The following KIF13A variants were observed in gnomAD, a reference collection of about 807,000 sequenced individuals.
KIF13A encodes kinesin-like protein KIF13A.
KIF13A carries 79 observed loss-of-function variants against 212.2 expected under a neutral mutation model. That is an observed-to-expected ratio of 0.37 (90% confidence interval 0.31 to 0.45). KIF13A has a LOEUF of 0.45. KIF13A is among the 20% of genes least tolerant of loss of function. The pLI is 1.00. For missense variants in KIF13A, 1,901 were observed against 2,209.0 expected (o/e 0.86, Z 2.79); for synonymous variants, 789 against 808.6 (o/e 0.98, Z 0.41).
Position 17,787,296 on chromosome 6 carries a change from GAGGCCTCTT to G in KIF13A, c.3361+471_3361+479del, listed in dbSNP as rs1561971613. ...TGAAAACTTACTACTTTCAAATTTG[GAGGCCTCTT>G]AAACCAACAATGTATAATATGATTG... On this transcript the variant is annotated intron_variant, in intron 27 of 38. Coordinates refer to ENST00000259711, the MANE Select transcript of KIF13A (RefSeq NM_022113.6). This position sits in a 1 kb window ranked among gnomAD's most constrained non-coding sequence, Gnocchi z 4.6. Among the ~76,000 whole-genome samples, 1 of 152,178 alleles carries G rather than the reference GAGGCCTCTT, an allele frequency of 6.6e-6. No homozygotes were observed. The highest frequency in any genetic ancestry group is 6.5e-5 in the Admixed American group (1 of 15,278).
At position 17,856,299 on chromosome 6, in the gene KIF13A, A is replaced by G. The variant is rs1015566335; in HGVS notation, c.221-177T>C. 6.6e-6 allele frequency among the ~76,000 whole-genome samples: 1 copy of G among 152,208 alleles called. No individual in the cohort carries two copies. The highest frequency in any genetic ancestry group is 1.5e-5 in the Non-Finnish European group (1 of 68,038). ...TATATGCAATTTCATCCACACTTCT[A>G]AACTACAGCTCAGTACCTGGATACA... On this transcript the variant is annotated intron_variant, in intron 4 of 38. Transcript: ENST00000259711. The surrounding 1 kb of genome is among the most constrained non-coding windows in gnomAD (Gnocchi z 4.5).
chr6:17,873,475 T>C (rs1254231090), intron 3 of KIF13A, 38 bp from the exon 4 acceptor site: 5 of 1,377,954 alleles, frequency 3.6e-6, no homozygotes, highest in Non-Finnish European at 5.1e-6. Flanking sequence ...TAAAGATTAA[T>C]TAACTTCTTA....
At position 17,888,512 on chromosome 6, in the gene KIF13A, G is replaced by A. The variant is rs1771751807; in HGVS notation, c.159+9656C>T. ...GCTAGCCATATAAATAATTTAAAAT[G>A]TTTTTGTAGACACACTGAAAAGTAA... On this transcript the variant is annotated intron_variant, in intron 3 of 38. Transcript: ENST00000259711. The surrounding 1 kb of genome is among the most constrained non-coding windows in gnomAD (Gnocchi z 4.8). Among the ~76,000 whole-genome samples the A allele has an allele frequency of 6.6e-6, 1 of 152,150 alleles. No individual in the cohort carries two copies. The highest frequency in any genetic ancestry group is 2.4e-5 in the African/African-American group (1 of 41,440).
intron 18 of KIF13A, among the ~76,000 whole-genome samples, chr6:17,807,768 C>T (rs1763090299): frequency 6.6e-6 from 1 of 152,144 alleles, no homozygotes; most frequent in South Asian, 2.1e-4. Flanking sequence ...CTCAGGTGGA[C>T]ATCATGGTCC....
intron 2 of KIF13A, among the ~76,000 whole-genome samples, chr6:17,980,040 A>AT (rs944946573): frequency 2.6e-5 from 4 of 151,730 alleles, no homozygotes; most frequent in African/African-American, 4.8e-5. Flanking sequence ...TAATTCAATA[A>AT]TTTTTTTTTC....
intron 4 of KIF13A, among the ~76,000 whole-genome samples, chr6:17,860,033 C>A (rs977409487): frequency 2.0e-5 from 3 of 152,082 alleles, no homozygotes; most frequent in Non-Finnish European, 4.4e-5. Flanking sequence ...CAGTGAATGG[C>A]AGGGTTTGGG....
intron 16 of KIF13A, among the ~76,000 whole-genome samples, chr6:17,824,759 T>TC (rs1411286765): frequency 2.1e-5 from 1 of 46,634 alleles, no homozygotes; most frequent in East Asian, 5.3e-4. Context: ...AGACTCCGTC[T>TC]CAAAAAAAAA....
Position 17,838,057 on chromosome 6 carries a change from C to T in KIF13A, c.831-474G>A, listed in dbSNP as rs184991778. Reference sequence around the variant, plus strand: ...TGCAGCTGGGAGTGGTGGCTCACACCTGTAATCCCAGCACTTTGGGAGGCT... The same window carrying T: ...TGCAGCTGGGAGTGGTGGCTCACACTTGTAATCCCAGCACTTTGGGAGGCT... On this transcript the variant is annotated intron_variant, in intron 9 of 38. Transcript: ENST00000259711. The surrounding 1 kb of genome is among the most constrained non-coding windows in gnomAD (Gnocchi z 4.2). 1.3e-4 allele frequency among the ~76,000 whole-genome samples: 20 copies of T among 152,238 alleles called. No individual in the cohort carries two copies. Among genetic ancestry groups the T allele is most frequent in the East Asian group, 1.2e-3 (6 of 5,178 alleles).
intron 19 of KIF13A, 70 bp downstream of exon 19, chr6:17,805,405 G>A (rs949510698): frequency 1.2e-6 from 1 of 850,748 alleles, no homozygotes; most frequent in South Asian, 1.5e-5. Flanking sequence ...GTGTGTGTGT[G>A]TGTTGCTAAA....
chr6:17,780,618 G>C (rs1760477003), intron 31 of KIF13A, 112 bp downstream of exon 31: 1 of 960,086 alleles, frequency 1.0e-6, no homozygotes, highest in Non-Finnish European at 1.6e-6. Flanking sequence ...AACTTGGCCA[G>C]GATGGTCATG....
At chr6:17,875,345 T>C (rs1770452552) in intron 3 of KIF13A, among the ~76,000 whole-genome samples, 1 of 152,190 alleles carries the variant, frequency 6.6e-6, no homozygotes, top group Admixed American at 6.5e-5. Context: ...CACTTTTACA[T>C]GAATTAACTT....
In KIF13A at chr6:17,809,638, C is replaced by T. The variant is rs1763261997; in HGVS notation, c.2001-708G>A. 6.6e-6 allele frequency among the ~76,000 whole-genome samples: 1 copy of T among 152,194 alleles called. No homozygotes were observed. The highest frequency in any genetic ancestry group is 6.5e-5 in the Admixed American group (1 of 15,276). On this transcript the variant is annotated intron_variant, in intron 17 of 38. Transcript: ENST00000259711. The surrounding 1 kb of genome is among the most constrained non-coding windows in gnomAD (Gnocchi z 4.7). The stretch of plus-strand genomic sequence containing the variant: ...TCTTTTTTTGCTTGCACTACCCTAG[C>T]TCCTGGCCAAGTGCATGACCCATCG...
rs184937831 is a variant in KIF13A at position 17,764,473 on chromosome 6, G to A, written c.5055C>T (p.Ile1685=). ...LAKGSPSSQS[I]PEKNSKSLCR... is the part of the protein sequence containing the mutation. ...ACAGTGATTTGGAGTTTTTCTCAGG[G>A]ATGCTCTGGGATGATGGGCTCCCTT... Residue 1685 remains isoleucine (I), a synonymous_variant, in exon 39 of 39, where the codon ATC becomes ATT. Coordinates refer to ENST00000259711, the MANE Select transcript of KIF13A (RefSeq NM_022113.6). This position sits in a 1 kb window ranked among gnomAD's most constrained non-coding sequence, Gnocchi z 5.1. The A allele has an allele frequency of 1.6e-5, 26 of 1,614,018 alleles. No homozygotes were observed. Among genetic ancestry groups the A allele is most frequent in the Middle Eastern group, 1.6e-4 (1 of 6,062 alleles).
At chr6:17,831,303 A>AAAGAG (rs1464781994) in intron 12 of KIF13A, 68 bp from the exon 13 acceptor site, 2 of 1,548,530 alleles carry the variant, frequency 1.3e-6, no homozygotes, top group Non-Finnish European at 1.8e-6. Context: ...GTATCCACGG[A>AAAGAG]AAGAGTAAGT....
chr6:17,905,820 T>C (rs2150494924), intron 2 of KIF13A, among the ~76,000 whole-genome samples: 1 of 152,346 alleles, frequency 6.6e-6, no homozygotes, highest in East Asian at 1.9e-4. Context: ...GCTCAGCAGT[T>C]AGACTACAGT....
rs149719669 is a variant in KIF13A at position 17,779,236 on chromosome 6, C to CATATATATATAT, written c.3940-149_3940-138dup. The CATATATATATAT allele has an allele frequency of 3.1e-3, 795 of 254,446 alleles. 5 individuals are homozygous for CATATATATATAT. Among genetic ancestry groups the CATATATATATAT allele is most frequent in the Admixed American group, 7.4e-3 (92 of 12,406 alleles). 15.8% of individuals were successfully genotyped at this position (254,446 alleles called of 1,614,324 possible). A position where few individuals can be genotyped will look rare whatever the true frequency, so the allele number is the denominator to read the frequency against. On this transcript the variant is annotated intron_variant, in intron 32 of 38. Transcript: ENST00000259711. ...TAGATACTGATATTTTTTAAAGTAG[C>CATATATATATAT]ATATATATATATATATATATATTTT...
chr6:17,804,824 A>AAAAAAAAAAAAAC, intron 19 of KIF13A, among the ~76,000 whole-genome samples: 1 of 133,346 alleles, frequency 7.5e-6, no homozygotes, highest in Non-Finnish European at 1.6e-5. Context: ...AAAAAAAAAA[A>AAAAAAAAAAAAAC]AAAAAAAAAA....
chr6:17,952,069 C>G (rs903692032), intron 2 of KIF13A, among the ~76,000 whole-genome samples: 6 of 150,630 alleles, frequency 4.0e-5, no homozygotes, highest in Non-Finnish European at 3.0e-5. Context: ...TTTGGGAGGC[C>G]GAGGTGGGCA....
Position 17,794,158 on chromosome 6 carries a change from CAA to C in KIF13A, c.3222+89_3222+90del, listed in dbSNP as rs796228463. The C allele has an allele frequency of 1.1e-5, 11 of 988,216 alleles. No individual in the cohort carries two copies. The African/African-American group carries it at 1.3e-4, about 11-fold the overall frequency. 61.2% of individuals were successfully genotyped at this position (988,216 alleles called of 1,614,324 possible). On this transcript the variant is annotated intron_variant, in intron 25 of 38. Coordinates refer to ENST00000259711, the MANE Select transcript of KIF13A (RefSeq NM_022113.6). The surrounding 1 kb of genome is among the most constrained non-coding windows in gnomAD (Gnocchi z 4.1). Reference sequence around the variant, plus strand: ...ACTGGGGGAAGATCTACGGTTAAGGCAAAGAGTTCTGTTATATTGGCAAAGAG... The same window carrying C: ...ACTGGGGGAAGATCTACGGTTAAGGCAGAGTTCTGTTATATTGGCAAAGAG...
Sources: gnomAD v4.1 joint callset for allele counts (sites outside exome capture counted in the v4.1 genomes callset) on GRCh38, gnomAD v4.1.1 for gene constraint, Gnocchi (gnomAD v3.1) non-coding constraint, MANE v1.5 for transcripts, NCBI Gene and HGNC (gene_info 2026-07-23, HGNC 2026-07-21) for gene names.